The following ATAD2B variants were observed in gnomAD, a reference collection of about 807,000 sequenced individuals.
ATAD2B encodes the protein ATPase family AAA domain containing 2B.
A neutral mutation model predicts 167.6 loss-of-function variants in ATAD2B; 40 were observed. The observed-to-expected ratio is 0.24, with a 90% confidence interval of 0.19 to 0.31. ATAD2B has a LOEUF of 0.31. Ranked by LOEUF, ATAD2B falls within the 10% of genes least tolerant of loss-of-function variation. The pLI, the probability that ATAD2B is intolerant of heterozygous loss-of-function variation, is 1.00. For synonymous variants in ATAD2B, 579 were observed against 596.5 expected (o/e 0.97, Z 0.43); for missense variants, 1,242 against 1,757.2 (o/e 0.71, Z 5.24).
At chr2:23,709,097 A>G in the ATAD2B span, among the ~76,000 whole-genome samples, 1 of 151,738 alleles carries the variant, frequency 6.6e-6, no homozygotes, top group Non-Finnish European at 1.5e-5. Flanking sequence ...CTGGAGTGCA[A>G]TGGCGCGATC....
chr2:23,879,136 T>C (rs951688832), intron 7 of ATAD2B, among the ~76,000 whole-genome samples: 2 of 152,208 alleles, frequency 1.3e-5, no homozygotes, highest in Non-Finnish European at 1.5e-5. Flanking sequence ...TTCTACTCCT[T>C]GGTATTTGTT....
chr2:23,732,257 T>G, the ATAD2B span, among the ~76,000 whole-genome samples: 1 of 152,014 alleles, frequency 6.6e-6, no homozygotes, highest in East Asian at 1.9e-4. Flanking sequence ...CTTCAACAAA[T>G]TAATGGCAAA....
chr2:23,884,939 C>G, intron 5 of ATAD2B, 66 bp from the exon 6 acceptor site: 1 of 999,046 alleles, frequency 1.0e-6, no homozygotes, highest in Non-Finnish European at 1.4e-6. Context: ...AAAAACAACC[C>G]AATGGGACAT....
chr2:23,916,989 C>A (rs555277196), intron 1 of ATAD2B, among the ~76,000 whole-genome samples: 1 of 152,348 alleles, frequency 6.6e-6, no homozygotes, highest in East Asian at 1.9e-4. Flanking sequence ...TCACCCCAAA[C>A]ACAATGCTAG....
chr2:23,845,498 A>G lies in ATAD2B; in HGVS notation c.1569-11420T>C, dbSNP rs200012157. Among the ~76,000 whole-genome samples, 16 of 152,102 alleles carry G rather than the reference A, an allele frequency of 1.1e-4. No individual in the cohort carries two copies. In the East Asian group the frequency reaches 2.1e-3, roughly 20 times the overall value. On this transcript the variant is annotated intron_variant, in intron 13 of 27. Coordinates refer to ENST00000238789, the MANE Select transcript of ATAD2B (RefSeq NM_017552.4). ...AATACAAAATGTCTAGAAAAGGCCAATCTATACAGAGATTAGATTAGTGGT... is the reference window on the plus strand; with the variant it reads ...AATACAAAATGTCTAGAAAAGGCCAGTCTATACAGAGATTAGATTAGTGGT...
At chr2:23,722,210 T>C in the ATAD2B span, among the ~76,000 whole-genome samples, 1 of 152,034 alleles carries the variant, frequency 6.6e-6, no homozygotes, top group African/African-American at 2.4e-5. Flanking sequence ...AGGAAACATG[T>C]AACCTCCAAA....
At chr2:23,776,762 G>A (rs1679200985) in intron 22 of ATAD2B, among the ~76,000 whole-genome samples, 1 of 152,106 alleles carries the variant, frequency 6.6e-6, no homozygotes, top group Non-Finnish European at 1.5e-5. Flanking sequence ...CATTATTCAT[G>A]ATTGCCACCT....
intron 1 of ATAD2B, among the ~76,000 whole-genome samples, chr2:23,904,583 T>C (rs770554538): frequency 4.0e-5 from 6 of 148,650 alleles, no homozygotes; most frequent in Admixed American, 2.7e-4. Flanking sequence ...TGGCTTCTTA[T>C]AGAAAAAAGG....
chr2:23,829,829 T>C (rs1688781245), intron 14 of ATAD2B, among the ~76,000 whole-genome samples: 1 of 152,202 alleles, frequency 6.6e-6, no homozygotes, highest in Admixed American at 6.5e-5. Context: ...ATACAAGGTA[T>C]TTCAATAAAT....
the ATAD2B span, among the ~76,000 whole-genome samples, chr2:23,704,171 C>A: frequency 6.6e-6 from 1 of 152,228 alleles, no homozygotes; most frequent in Non-Finnish European, 1.5e-5. Context: ...CCCCCAGGAC[C>A]ACCTGCCCCA....
chr2:23,906,064 C>T (rs74703304), intron 1 of ATAD2B, among the ~76,000 whole-genome samples: 3 of 152,008 alleles, frequency 2.0e-5, no homozygotes, highest in Non-Finnish European at 2.9e-5. Context: ...CGGCTGGGTG[C>T]GGTGGCTCAC....
intron 12 of ATAD2B, among the ~76,000 whole-genome samples, chr2:23,859,972 T>C (rs182454887): frequency 1.6e-3 from 249 of 152,058 alleles, no homozygotes; most frequent in African/African-American, 5.4e-3. Context: ...AGAAATTTAA[T>C]TGTCATTGTG....
chr2:23,819,014 G>A (rs1687029135), intron 17 of ATAD2B, among the ~76,000 whole-genome samples: 1 of 152,148 alleles, frequency 6.6e-6, no homozygotes, highest in Admixed American at 6.6e-5. Flanking sequence ...CTCTTTAGCA[G>A]CCTTAGAGAC....
chr2:23,855,487 T>C (rs1257493696), intron 13 of ATAD2B, among the ~76,000 whole-genome samples: 1 of 152,110 alleles, frequency 6.6e-6, no homozygotes, highest in Non-Finnish European at 1.5e-5. Context: ...TTATCATACG[T>C]TATAGGAAAA....
downstream of ATAD2B, among the ~76,000 whole-genome samples, chr2:23,746,853 T>A (rs2149280992): frequency 6.6e-6 from 1 of 152,270 alleles, no homozygotes; most frequent in South Asian, 2.1e-4. Context: ...AAAAGTGCTT[T>A]AAGAGCTTTT....
chr2:23,700,678 C>T, the ATAD2B span, among the ~76,000 whole-genome samples: 118 of 152,354 alleles, frequency 7.7e-4, 1 homozygote, highest in African/African-American at 2.8e-3. This position sits in a 1 kb window ranked among gnomAD's most constrained non-coding sequence, Gnocchi z 4.6. Flanking sequence ...CCTTCTGTGC[C>T]TCTTCACAGC....
At chr2:23,912,361 C>T (rs541982515) in intron 1 of ATAD2B, among the ~76,000 whole-genome samples, 1 of 151,852 alleles carries the variant, frequency 6.6e-6, no homozygotes, top group African/African-American at 2.4e-5. Context: ...TTTCTAATTA[C>T]CCAGGCCTGG....
At chr2:23,783,132 A>G (rs755329614) in intron 21 of ATAD2B, 104 bp from the exon 22 acceptor site, 2 of 555,054 alleles carry the variant, frequency 3.6e-6, no homozygotes, top group Non-Finnish European at 2.9e-6. Context: ...AAATCTAAAT[A>G]TCAAATAAAT....
At chr2:23,768,278 A>G (rs1404920432) in intron 22 of ATAD2B, among the ~76,000 whole-genome samples, 1 of 152,170 alleles carries the variant, frequency 6.6e-6, no homozygotes, top group Non-Finnish European at 1.5e-5. Context: ...TCGTGCCCGT[A>G]GTCAAAGCAC....
Sources: gnomAD v4.1 joint callset for allele counts (sites outside exome capture counted in the v4.1 genomes callset) on GRCh38, gnomAD v4.1.1 for gene constraint, Gnocchi (gnomAD v3.1) non-coding constraint, MANE v1.5 for transcripts, NCBI Gene and HGNC (gene_info 2026-07-23, HGNC 2026-07-21) for gene names.